Variants in PID1 observed in about 807,000 individuals in gnomAD.
PID1 encodes PTB-containing, cubilin and LRP1-interacting protein.
Under a neutral mutation model 19.1 loss-of-function variants are expected in PID1, and 10 were observed. The observed-to-expected ratio is 0.52, with a 90% CI of 0.32 to 0.89. PID1 has a LOEUF of 0.89. Ranked by LOEUF, PID1 falls within the 40% of genes least tolerant of loss-of-function variation. PID1 has a pLI of 0.03. For missense variants in PID1, 248 were observed against 285.3 expected (o/e 0.87, Z 0.94); for synonymous variants, 130 against 116.0 (o/e 1.12, Z -0.78).
At chr2:229,109,845 A>G (rs1695260752) in intron 2 of PID1, among the ~76,000 whole-genome samples, 2 of 152,222 alleles carry the variant, frequency 1.3e-5, no homozygotes, top group Non-Finnish European at 1.5e-5. Flanking sequence ...ATCAGTGAAG[A>G]GCAGATTCAA....
chr2:229,214,481 C>A (rs1691803473), intron 1 of PID1, among the ~76,000 whole-genome samples: 1 of 152,080 alleles, frequency 6.6e-6, no homozygotes, highest in Admixed American at 6.6e-5. Context: ...CAATTAAAAA[C>A]AAATCTACAA....
chr2:229,075,417 C>T (rs143890624), intron 2 of PID1, among the ~76,000 whole-genome samples: 69 of 152,252 alleles, frequency 4.5e-4, no homozygotes, highest in African/African-American at 1.5e-3. Flanking sequence ...AAAGCCTGGC[C>T]CATCTGTCAT....
At chr2:229,155,365 G>A (rs937296806) in intron 2 of PID1, among the ~76,000 whole-genome samples, 2 of 152,080 alleles carry the variant, frequency 1.3e-5, no homozygotes, top group African/African-American at 4.8e-5. Context: ...AGGAGATCGA[G>A]ACCATCCTAG....
chr2:229,150,778 G>T (rs921198249), intron 2 of PID1, among the ~76,000 whole-genome samples: 1 of 150,926 alleles, frequency 6.6e-6, no homozygotes, highest in South Asian at 2.1e-4. Flanking sequence ...ATAGGAACTC[G>T]GTGGGCATTT....
At chr2:229,029,333 A>C (rs1346365887) in intron 2 of PID1, among the ~76,000 whole-genome samples, 14 of 145,382 alleles carry the variant, frequency 9.6e-5, no homozygotes, top group African/African-American at 2.8e-4. Flanking sequence ...AAAAAAAAAA[A>C]CATGAAAACA....
At chr2:229,102,719 G>T (rs897659508) in intron 2 of PID1, among the ~76,000 whole-genome samples, 2 of 152,134 alleles carry the variant, frequency 1.3e-5, no homozygotes, top group African/African-American at 4.8e-5. Context: ...GATGGCAACT[G>T]TCCTGAGGGG....
chr2:229,190,219 A>G (rs576428502), intron 1 of PID1, among the ~76,000 whole-genome samples: 4 of 152,360 alleles, frequency 2.6e-5, no homozygotes, highest in Non-Finnish European at 5.9e-5. Context: ...AGATGTGTCA[A>G]TTTAATAAAA....
At chr2:229,228,962 C>T (rs552734448) in intron 1 of PID1, among the ~76,000 whole-genome samples, 3 of 152,124 alleles carry the variant, frequency 2.0e-5, no homozygotes, top group Non-Finnish European at 4.4e-5. Context: ...GAGAAATATA[C>T]CTTATCTCAA....
At chr2:229,102,416 T>A (rs1006075587) in intron 2 of PID1, among the ~76,000 whole-genome samples, 1 of 152,052 alleles carries the variant, frequency 6.6e-6, no homozygotes, top group Admixed American at 6.5e-5. Context: ...GAAGACTCAC[T>A]AGTTAGAATT....
rs937224690 is a variant in PID1 at position 229,262,764 on chromosome 2, C to T, written c.30+8250G>A. 37 of 1,551,596 alleles carry T rather than the reference C, an allele frequency of 2.4e-5. 1 individual carries two copies. The highest frequency in any genetic ancestry group is 1.7e-4 in the East Asian group (7 of 40,918). On this transcript the variant is annotated intron_variant, in intron 1 of 2. Transcript: ENST00000392055. ...AAAGCTCTGGAGAAGAACATGTCCTCGACTCTTCTAACATCAGGTGGTTGC... is the reference window on the plus strand; with the variant it reads ...AAAGCTCTGGAGAAGAACATGTCCTTGACTCTTCTAACATCAGGTGGTTGC...
chr2:229,103,771 C>T (rs1012439996), intron 2 of PID1, among the ~76,000 whole-genome samples: 25 of 151,788 alleles, frequency 1.6e-4, no homozygotes, highest in Admixed American at 1.6e-3. Context: ...TAGAGACTGG[C>T]TTTCACCATC....
At chr2:229,227,579 A>G (rs1396686376) in intron 1 of PID1, among the ~76,000 whole-genome samples, 1 of 152,198 alleles carries the variant, frequency 6.6e-6, no homozygotes, top group Admixed American at 6.5e-5. Context: ...CTTGCTACAG[A>G]ACTCTGGCAA....
At chr2:229,185,762 A>G (rs1691116688) in intron 1 of PID1, among the ~76,000 whole-genome samples, 4 of 152,166 alleles carry the variant, frequency 2.6e-5, no homozygotes, top group Admixed American at 1.3e-4. Context: ...ACACGTGGGA[A>G]TTGAAGATGA....
At chr2:229,177,940 T>C (rs1690859292) in intron 1 of PID1, among the ~76,000 whole-genome samples, 1 of 152,116 alleles carries the variant, frequency 6.6e-6, no homozygotes, top group Admixed American at 6.5e-5. Context: ...CAGCTCAAAA[T>C]CAAAATGCCC....
chr2:229,154,277 G>A (rs774119629), intron 2 of PID1, among the ~76,000 whole-genome samples: 3 of 144,484 alleles, frequency 2.1e-5, no homozygotes, highest in East Asian at 2.0e-4. Flanking sequence ...CACCCCCAGC[G>A]CCACCACTCA....
intron 1 of PID1, among the ~76,000 whole-genome samples, chr2:229,159,888 G>A (rs549238229): frequency 6.6e-6 from 1 of 152,300 alleles, no homozygotes; most frequent in East Asian, 1.9e-4. Flanking sequence ...TGTAGGGTTT[G>A]GAGTTGCCAA....
intron 2 of PID1, among the ~76,000 whole-genome samples, chr2:229,070,982 T>C (rs1449326931): frequency 6.6e-6 from 1 of 152,214 alleles, no homozygotes; most frequent in Non-Finnish European, 1.5e-5. Context: ...ATGCTTCACA[T>C]GTTTTAATTT....
intron 2 of PID1, among the ~76,000 whole-genome samples, chr2:229,140,357 C>T (rs915158579): frequency 1.3e-5 from 2 of 152,012 alleles, no homozygotes; most frequent in East Asian, 1.9e-4. Flanking sequence ...ACTTCACCTG[C>T]GGGATCACTC....
intron 2 of PID1, among the ~76,000 whole-genome samples, chr2:229,069,567 A>G (rs1364762503): frequency 1.3e-5 from 2 of 152,224 alleles, no homozygotes; most frequent in African/African-American, 2.4e-5. Context: ...TATACATTTT[A>G]GACTTAGTTG....
Sources: gnomAD v4.1 joint callset for allele counts (sites outside exome capture counted in the v4.1 genomes callset) on GRCh38, gnomAD v4.1.1 for gene constraint, MANE v1.5 for transcripts, NCBI Gene and HGNC (gene_info 2026-07-23, HGNC 2026-07-21) for gene names.